The following CNTN5 variants were observed in gnomAD, a reference collection of about 807,000 sequenced individuals.
The protein encoded by CNTN5 is contactin-5.
Under a neutral mutation model 129.1 loss-of-function variants are expected in CNTN5, and 77 were observed. That is an observed-to-expected ratio of 0.60 (90% CI 0.50 to 0.72). The LOEUF (loss-of-function observed/expected upper bound fraction) is 0.72, where lower values mean the gene tolerates loss of function less well. Ranked by LOEUF, CNTN5 falls within the 30% of genes least tolerant of loss-of-function variation. The probability of loss-of-function intolerance (pLI) is 0.00; values close to 1 mark genes in which losing one functional copy is unlikely to be tolerated. For missense variants in CNTN5, 1,478 were observed against 1,328.8 expected (o/e 1.11, Z -1.75); for synonymous variants, 509 against 465.6 (o/e 1.09, Z -1.20).
At chr11:99,693,451 G>T (rs1294653788) in intron 3 of CNTN5, among the ~76,000 whole-genome samples, 2 of 151,908 alleles carry the variant, frequency 1.3e-5, no homozygotes, top group Non-Finnish European at 2.9e-5. Flanking sequence ...TTTTAAAGGA[G>T]GAGGTATTTG....
intron 3 of CNTN5, among the ~76,000 whole-genome samples, chr11:99,666,646 G>A (rs188468657): frequency 1.0e-3 from 155 of 152,244 alleles, no homozygotes; most frequent in Middle Eastern, 3.4e-3. Context: ...GGTGGAGTTC[G>A]GAGACAGCCG....
chr11:100,335,085 G>A (rs1952005776), intron 21 of CNTN5, among the ~76,000 whole-genome samples: 1 of 151,936 alleles, frequency 6.6e-6, no homozygotes. Flanking sequence ...ATGGGAGGCT[G>A]CGCATGTGTA....
At chr11:99,412,416 A>C (rs1942439164) in intron 2 of CNTN5, among the ~76,000 whole-genome samples, 1 of 152,184 alleles carries the variant, frequency 6.6e-6, no homozygotes, top group Admixed American at 6.6e-5. Context: ...CCAAGTCTTC[A>C]TACTAATAGC....
chr11:99,975,266 G>A (rs1937868975), intron 8 of CNTN5, among the ~76,000 whole-genome samples: 1 of 152,168 alleles, frequency 6.6e-6, no homozygotes, highest in African/African-American at 2.4e-5. Flanking sequence ...GAGACATGGA[G>A]TCATTGGAGA....
chr11:99,875,730 G>C (rs1221988274), intron 6 of CNTN5, among the ~76,000 whole-genome samples: 1 of 148,484 alleles, frequency 6.7e-6, no homozygotes, highest in Non-Finnish European at 1.5e-5. Context: ...TGTACACTCT[G>C]GTGTACCTTT....
At chr11:100,162,764 C>T (rs1430359337) in intron 13 of CNTN5, among the ~76,000 whole-genome samples, 3 of 151,818 alleles carry the variant, frequency 2.0e-5, no homozygotes, top group Non-Finnish European at 4.4e-5. Context: ...AATGCTTTTT[C>T]CCTCTTCATA....
rs1946080195 is a variant in CNTN5 at position 99,492,638 on chromosome 11, A to G, written c.-70-63507A>G. Reference sequence around the variant, plus strand: ...TAAGATCTTTTCCTTACCCATTGCAAGGGTCATTGCTGAGACCCCTATAAC... The same window carrying G: ...TAAGATCTTTTCCTTACCCATTGCAGGGGTCATTGCTGAGACCCCTATAAC... On this transcript the variant is annotated intron_variant, in intron 2 of 24. Coordinates refer to ENST00000524871, the MANE Select transcript of CNTN5 (RefSeq NM_014361.4). Among the ~76,000 whole-genome samples, 4 of 152,258 alleles carry G rather than the reference A, an allele frequency of 2.6e-5. No homozygotes were observed. The South Asian group carries it at 8.3e-4, about 32-fold the overall frequency.
chr11:99,413,206 A>G (rs1396176135), intron 2 of CNTN5, among the ~76,000 whole-genome samples: 3 of 152,220 alleles, frequency 2.0e-5, no homozygotes, highest in African/African-American at 7.2e-5. Context: ...TATAATGTTA[A>G]AGAGAGCAAG....
intron 2 of CNTN5, among the ~76,000 whole-genome samples, chr11:99,380,081 CTGTGTGTGTGTG>C (rs10671165): frequency 6.7e-6 from 1 of 148,194 alleles, no homozygotes; most frequent in African/African-American, 2.5e-5. Flanking sequence ...AATGGTGTGT[CTGTGTGTGTGTG>C]TGTGTGTGTG....
rs144741944 is a variant in CNTN5, at chr11:100,001,184, T to A, written c.878-850T>A. The stretch of plus-strand genomic sequence containing the variant: ...TTCTTTTCTACCACATGAAAAGGAC[T>A]CAGAAAACTTACAATTATGATGGAA... On this transcript the variant is annotated intron_variant, in intron 8 of 24. Transcript: ENST00000524871. Among the ~76,000 whole-genome samples the A allele has an allele frequency of 4.4e-3, 667 of 152,264 alleles. 5 individuals are homozygous for A. The highest frequency in any genetic ancestry group is 0.011 in the South Asian group (55 of 4,820).
chr11:99,985,653 T>C (rs58787383), intron 8 of CNTN5, among the ~76,000 whole-genome samples: 1,669 of 152,234 alleles, frequency 0.011, 39 homozygotes, highest in African/African-American at 0.038. Flanking sequence ...CAGGGACCTA[T>C]CCCTGTCTGC....
At chr11:99,245,528 C>G (rs1197884909) in intron 1 of CNTN5, among the ~76,000 whole-genome samples, 1 of 152,020 alleles carries the variant, frequency 6.6e-6, no homozygotes, top group Non-Finnish European at 1.5e-5. Flanking sequence ...ACCATGTTGG[C>G]CAGGCTGATC....
intron 1 of CNTN5, among the ~76,000 whole-genome samples, chr11:99,241,299 C>G (rs935262796): frequency 9.8e-5 from 14 of 143,296 alleles, no homozygotes; most frequent in Non-Finnish European, 1.5e-4. Context: ...TATTGTGACA[C>G]TCCTTCATTT....
chr11:99,342,452 C>G (rs967661721), intron 2 of CNTN5, among the ~76,000 whole-genome samples: 6 of 150,768 alleles, frequency 4.0e-5, no homozygotes, highest in African/African-American at 1.2e-4. Context: ...AAGAAGCAGG[C>G]AAACAGGCGT....
chr11:99,153,566 G>T, intron 1 of CNTN5, among the ~76,000 whole-genome samples: 1 of 146,778 alleles, frequency 6.8e-6, no homozygotes, highest in East Asian at 2.0e-4. Context: ...TAGATTCCTT[G>T]GATTCGGTTT....
At chr11:99,514,902 A>G (rs191421289) in intron 2 of CNTN5, among the ~76,000 whole-genome samples, 1 of 152,150 alleles carries the variant, frequency 6.6e-6, no homozygotes, top group Admixed American at 6.6e-5. Flanking sequence ...ATTTCCTTTA[A>G]GTCAGTGAGA....
intron 3 of CNTN5, among the ~76,000 whole-genome samples, chr11:99,690,362 T>A (rs2134779093): frequency 6.6e-6 from 1 of 152,298 alleles, no homozygotes; most frequent in Non-Finnish European, 1.5e-5. Context: ...TTGGGTAACA[T>A]GATGCCTCCA....
intron 1 of CNTN5, among the ~76,000 whole-genome samples, chr11:99,123,207 TG>T (rs1272165299): frequency 6.6e-6 from 1 of 151,796 alleles, no homozygotes; most frequent in Non-Finnish European, 1.5e-5. Context: ...CTCATTAGCA[TG>T]TTTTTTTTTT....
intron 21 of CNTN5, among the ~76,000 whole-genome samples, chr11:100,311,617 G>A (rs1307580764): frequency 2.0e-5 from 3 of 151,906 alleles, no homozygotes; most frequent in African/African-American, 7.3e-5. Context: ...AGAGGAGAGG[G>A]TCTGGCTGAA....
Sources: gnomAD v4.1 joint callset for allele counts (sites outside exome capture counted in the v4.1 genomes callset) on GRCh38, gnomAD v4.1.1 for gene constraint, MANE v1.5 for transcripts, NCBI Gene and HGNC (gene_info 2026-07-23, HGNC 2026-07-21) for gene names.